Variants in MYO1D observed in about 807,000 individuals in gnomAD.
MYO1D encodes the protein unconventional myosin-Id.
Under a neutral mutation model 122.0 loss-of-function variants are expected in MYO1D, and 83 were observed. The ratio of observed to expected loss-of-function variants is 0.68; its 90% confidence interval spans 0.57 to 0.82. MYO1D has a LOEUF of 0.82. Ranked by LOEUF, MYO1D falls within the 40% of genes least tolerant of loss-of-function variation. MYO1D has a pLI of 0.00. For synonymous variants in MYO1D, 464 were observed against 446.9 expected (o/e 1.04, Z -0.48); for missense variants, 1,157 against 1,269.5 (o/e 0.91, Z 1.35).
chr17:32,659,151 C>G lies in MYO1D; in HGVS notation c.2309G>C (p.Arg770Pro). 6.2e-7 allele frequency: 1 copy of G among 1,614,158 alleles called. No individual in the cohort carries two copies. ...VKWPSPPKVL[R>P]RFEEALQTIF... ...CGTCTGCAGGGCCTCCTCAAAACGG[C>G]GAAGAACTTTAGGAGGGCTTGGCCA... Residue 770 changes from arginine (R) to proline (P), a missense_variant, in exon 17 of 22, where the codon CGC (arginine) becomes CCC (proline). By Grantham distance (103) the Arg-to-Pro change is moderately radical. Transcript: ENST00000318217.
At chr17:32,783,056 T>C (rs771043743) in intron 1 of MYO1D, among the ~76,000 whole-genome samples, 1 of 152,210 alleles carries the variant, frequency 6.6e-6, no homozygotes, top group Non-Finnish European at 1.5e-5. Flanking sequence ...TACGCAAGTT[T>C]TTCTGGCTTA....
intron 21 of MYO1D, 39 bp downstream of exon 21, chr17:32,605,048 G>T (rs753799522): frequency 6.6e-6 from 10 of 1,518,792 alleles, no homozygotes; most frequent in Admixed American, 3.6e-5. Context: ...AGATTTCATA[G>T]ATTTAAAACG....
chr17:32,755,383 T>A, intron 11 of MYO1D, 109 bp downstream of exon 11: 1 of 1,180,212 alleles, frequency 8.5e-7, no homozygotes, highest in Non-Finnish European at 1.2e-6. Context: ...CTTTTCTTTC[T>A]TATTAAAGGG....
chr17:32,691,509 C>A (rs373982926), intron 16 of MYO1D, among the ~76,000 whole-genome samples: 2 of 149,674 alleles, frequency 1.3e-5, no homozygotes, highest in African/African-American at 4.9e-5. Context: ...TGGGTTCAAG[C>A]GATTCTCCTG....
chr17:32,601,625 T>C (rs1020155667), intron 21 of MYO1D, among the ~76,000 whole-genome samples: 3 of 152,264 alleles, frequency 2.0e-5, no homozygotes, highest in Non-Finnish European at 2.9e-5. Context: ...CCTTTGAAGC[T>C]AGGCATTGAC....
intron 1 of MYO1D, among the ~76,000 whole-genome samples, chr17:32,783,057 T>C (rs1210339972): frequency 6.6e-6 from 1 of 152,192 alleles, no homozygotes; most frequent in Non-Finnish European, 1.5e-5. Flanking sequence ...ACGCAAGTTT[T>C]TCTGGCTTAA....
At chr17:32,864,007 C>CTTTTCTTTTTTTTTTTTTTTTTTTTTTT (rs2091100932) in intron 1 of MYO1D, among the ~76,000 whole-genome samples, 1 of 48,960 alleles carries the variant, frequency 2.0e-5, no homozygotes, top group African/African-American at 1.0e-4. Flanking sequence ...ACATTTCTTC[C>CTTTTCTTTTTTTTTTTTTTTTTTTTTTT]TTTTTTTTTT....
intron 16 of MYO1D, among the ~76,000 whole-genome samples, chr17:32,710,213 G>A (rs1649436086): frequency 1.3e-5 from 2 of 151,986 alleles, no homozygotes; most frequent in Admixed American, 1.3e-4. Flanking sequence ...GCAAAAACAG[G>A]CAAATAGAAA....
At chr17:32,603,926 CTT>C (rs1319129680) in intron 21 of MYO1D, among the ~76,000 whole-genome samples, 1 of 152,064 alleles carries the variant, frequency 6.6e-6, no homozygotes, top group Non-Finnish European at 1.5e-5. Flanking sequence ...TTGGTAATTA[CTT>C]TCTTATTTTT....
At chr17:32,828,684 G>A (rs2090745831) in intron 1 of MYO1D, among the ~76,000 whole-genome samples, 1 of 152,116 alleles carries the variant, frequency 6.6e-6, no homozygotes, top group African/African-American at 2.4e-5. Context: ...TAAGCCAGTG[G>A]GCAAAATCAA....
chr17:32,757,276 C>T (rs2089958183), intron 10 of MYO1D, among the ~76,000 whole-genome samples: 1 of 151,994 alleles, frequency 6.6e-6, no homozygotes, highest in Non-Finnish European at 1.5e-5. Flanking sequence ...TCTGTCTAAA[C>T]TAAAGTTTCT....
intron 5 of MYO1D, 23 bp downstream of exon 5, chr17:32,772,766 T>G (rs747774882): frequency 3.2e-6 from 5 of 1,578,672 alleles, no homozygotes; most frequent in Non-Finnish European, 4.4e-6. Flanking sequence ...AATGATCAAT[T>G]ATCTGTATAA....
chr17:32,705,505 C>T lies in MYO1D; in HGVS notation c.2121+6483G>A, dbSNP rs547841477. Among the ~76,000 whole-genome samples the T allele has an allele frequency of 4.2e-4, 64 of 152,280 alleles. 2 individuals carry two copies. Among genetic ancestry groups the T allele is most frequent in the African/African-American group, 1.5e-3 (63 of 41,566 alleles). ...GTCTAGAACTCCTGACCTCGTGATCCGCCCGCCTTGGCCTCCCAAAGTGCT... is the reference window on the plus strand; with the variant it reads ...GTCTAGAACTCCTGACCTCGTGATCTGCCCGCCTTGGCCTCCCAAAGTGCT... On this transcript the variant is annotated intron_variant, in intron 16 of 21. Transcript: ENST00000318217.
intron 21 of MYO1D, among the ~76,000 whole-genome samples, chr17:32,562,093 C>A (rs1191454869): frequency 7.9e-5 from 12 of 151,776 alleles, no homozygotes; most frequent in Admixed American, 7.2e-4. Flanking sequence ...TGGGTTTAAG[C>A]CACTCTCCCA....
intron 16 of MYO1D, among the ~76,000 whole-genome samples, chr17:32,683,943 C>G (rs1234118484): frequency 6.6e-6 from 1 of 152,198 alleles, no homozygotes; most frequent in Non-Finnish European, 1.5e-5. Flanking sequence ...GGCATATAGT[C>G]TCGTGGTGCG....
rs2014088935 is a variant in MYO1D at position 32,875,363 on chromosome 17, AT to A, written c.95+1414del. On this transcript the variant is annotated intron_variant, in intron 1 of 21. Coordinates refer to ENST00000318217, the MANE Select transcript of MYO1D (RefSeq NM_015194.3). ...ACTTAAAACAGTTTTACTAATATGG[AT>A]TTGCCAGGCACTAATCTTTGAAGTA... 2.0e-5 allele frequency among the ~76,000 whole-genome samples: 3 copies of A among 152,164 alleles called. No individual in the cohort carries two copies. The South Asian group carries it at 6.2e-4, about 32-fold the overall frequency.
At chr17:32,500,451 C>T (rs935320940) in intron 21 of MYO1D, among the ~76,000 whole-genome samples, 5 of 152,164 alleles carry the variant, frequency 3.3e-5, no homozygotes, top group South Asian at 2.1e-4. Flanking sequence ...TCTGTTTTGC[C>T]GCCTTAAGTG....
intron 1 of MYO1D, among the ~76,000 whole-genome samples, chr17:32,845,268 A>G (rs1205806943): frequency 6.6e-6 from 1 of 152,206 alleles, no homozygotes; most frequent in Non-Finnish European, 1.5e-5. Context: ...AAGGTTCAAC[A>G]ATACTGACTT....
At chr17:32,614,982 A>G (rs570009379) in intron 20 of MYO1D, among the ~76,000 whole-genome samples, 1 of 152,292 alleles carries the variant, frequency 6.6e-6, no homozygotes, top group South Asian at 2.1e-4. Context: ...AATCTTCCTA[A>G]TGGAGGCCCT....
Sources: gnomAD v4.1 joint callset for allele counts (sites outside exome capture counted in the v4.1 genomes callset) on GRCh38, gnomAD v4.1.1 for gene constraint, MANE v1.5 for transcripts, NCBI Gene and HGNC (gene_info 2026-07-23, HGNC 2026-07-21) for gene names.